Variants in STAG1 observed in about 807,000 individuals in gnomAD.
STAG1 encodes STAG1 cohesin complex component, also known as cohesin subunit SA-1.
In STAG1, 26 loss-of-function variants were observed where a neutral mutation model predicts 170.9. That is an observed-to-expected ratio of 0.15 (90% CI 0.11 to 0.21). STAG1 has a LOEUF of 0.21. STAG1 is among the 10% of genes least tolerant of loss of function. The probability of loss-of-function intolerance (pLI) is 1.00; values close to 1 mark genes in which losing one functional copy is unlikely to be tolerated. For missense variants in STAG1, 964 were observed against 1,509.5 expected (o/e 0.64, Z 5.99); for synonymous variants, 514 against 497.7 (o/e 1.03, Z -0.44).
chr3:136,393,502 G>A (rs1431419950), intron 22 of STAG1, among the ~76,000 whole-genome samples: 1 of 151,704 alleles, frequency 6.6e-6, no homozygotes, highest in Non-Finnish European at 1.5e-5. Context: ...GCAAGATTCT[G>A]TCTCAAAACA....
chr3:136,597,592 G>A (rs992542641), intron 4 of STAG1, among the ~76,000 whole-genome samples: 10 of 151,996 alleles, frequency 6.6e-5, no homozygotes, highest in Non-Finnish European at 1.0e-4. Context: ...GAATATGCTC[G>A]TTTCTGATTA....
chr3:136,637,679 C>A (rs1322058878), intron 1 of STAG1, among the ~76,000 whole-genome samples: 1 of 151,994 alleles, frequency 6.6e-6, no homozygotes, highest in Non-Finnish European at 1.5e-5. Context: ...TATTCTCATA[C>A]ATCAAACTGG....
At chr3:136,527,472 G>A (rs1232389297) in intron 6 of STAG1, among the ~76,000 whole-genome samples, 1 of 152,112 alleles carries the variant, frequency 6.6e-6, no homozygotes, top group East Asian at 1.9e-4. Flanking sequence ...CTCTACACTG[G>A]TTATTCTAGT....
intron 3 of STAG1, among the ~76,000 whole-genome samples, chr3:136,618,782 ATAT>A (rs35136650): frequency 0.34 from 52,180 of 151,792 alleles, 11,213 homozygotes; most frequent in East Asian, 0.81. Flanking sequence ...TCTTATATCA[ATAT>A]TATTTTCATA....
intron 29 of STAG1, among the ~76,000 whole-genome samples, chr3:136,344,585 C>G (rs933057270): frequency 1.3e-5 from 2 of 151,932 alleles, no homozygotes; most frequent in Admixed American, 6.6e-5. Flanking sequence ...CCCTGATTAC[C>G]CCTACCCAAC....
At chr3:136,700,741 A>G (rs1421165694) in intron 1 of STAG1, among the ~76,000 whole-genome samples, 1 of 151,934 alleles carries the variant, frequency 6.6e-6, no homozygotes, top group Non-Finnish European at 1.5e-5. Flanking sequence ...AATTATTTCA[A>G]AAGTCCCTTC....
chr3:136,530,968 G>A (rs1485496135), intron 6 of STAG1, among the ~76,000 whole-genome samples: 1 of 152,080 alleles, frequency 6.6e-6, no homozygotes, highest in Non-Finnish European at 1.5e-5. Context: ...AGCTGGGTGT[G>A]GTCATGGGCG....
chr3:136,390,033 A>G (rs978377545), intron 22 of STAG1, among the ~76,000 whole-genome samples: 2 of 151,946 alleles, frequency 1.3e-5, no homozygotes, highest in African/African-American at 2.4e-5. Context: ...GGGTTTCACC[A>G]TATGGGCCAG....
chr3:136,637,587 G>C (rs1009286966), intron 1 of STAG1, among the ~76,000 whole-genome samples: 9 of 152,158 alleles, frequency 5.9e-5, no homozygotes, highest in Non-Finnish European at 1.3e-4. Flanking sequence ...AGTAATTTAA[G>C]AGTTTCGGTT....
At chr3:136,491,698 A>T (rs908690164) in intron 9 of STAG1, among the ~76,000 whole-genome samples, 2 of 152,170 alleles carry the variant, frequency 1.3e-5, no homozygotes, top group Non-Finnish European at 2.9e-5. Flanking sequence ...TACAGATTAA[A>T]ATCCAATTTG....
chr3:136,581,162 T>C (rs1016648814), intron 4 of STAG1, among the ~76,000 whole-genome samples: 4 of 152,186 alleles, frequency 2.6e-5, no homozygotes, highest in African/African-American at 9.7e-5. Context: ...AGAACATAAT[T>C]TTTAACTTAG....
At chr3:136,508,760 G>T (rs560426553) in intron 7 of STAG1, among the ~76,000 whole-genome samples, 5 of 152,194 alleles carry the variant, frequency 3.3e-5, no homozygotes, top group Non-Finnish European at 7.3e-5. Context: ...AAGACTGCAC[G>T]ACTCCTGTCT....
intron 28 of STAG1, among the ~76,000 whole-genome samples, chr3:136,357,139 G>A (rs1054560567): frequency 1.1e-4 from 17 of 151,894 alleles, no homozygotes; most frequent in East Asian, 9.7e-4. Context: ...TAGTAGAGAC[G>A]GGGTTTCACC....
At chr3:136,603,811 C>T (rs1324649794) in intron 4 of STAG1, among the ~76,000 whole-genome samples, 7 of 151,944 alleles carry the variant, frequency 4.6e-5, no homozygotes, top group South Asian at 2.1e-4. Context: ...GGCGTGAACC[C>T]GGGAGGCAGA....
At chr3:136,432,802 T>TTC (rs1310032430) in intron 16 of STAG1, among the ~76,000 whole-genome samples, 1 of 152,160 alleles carries the variant, frequency 6.6e-6, no homozygotes, top group East Asian at 1.9e-4. Context: ...ACTTAATCCA[T>TTC]TCTCTCTGAC....
chr3:136,342,780 A>G (rs904704637), intron 30 of STAG1, among the ~76,000 whole-genome samples: 1 of 152,234 alleles, frequency 6.6e-6, no homozygotes, highest in Non-Finnish European at 1.5e-5. Flanking sequence ...CAGGGAAAAG[A>G]AGGCAGACCA....
chr3:136,672,721 G>A (rs545004397), intron 1 of STAG1, among the ~76,000 whole-genome samples: 9 of 152,040 alleles, frequency 5.9e-5, no homozygotes, highest in Admixed American at 3.9e-4. Context: ...ACACAGAGAG[G>A]GGGGAGATCC....
chr3:136,341,866 A>G (rs1473276886), intron 30 of STAG1, among the ~76,000 whole-genome samples: 1 of 152,238 alleles, frequency 6.6e-6, no homozygotes, highest in East Asian at 1.9e-4. Context: ...CAGATCCCCA[A>G]CTAACAGAAA....
intron 3 of STAG1, among the ~76,000 whole-genome samples, chr3:136,612,591 G>C (rs541955140): frequency 6.6e-6 from 1 of 152,324 alleles, no homozygotes; most frequent in East Asian, 1.9e-4. Context: ...TATGCAGAAG[G>C]ATGGCTTGAG....
Sources: allele counts gnomAD v4.1 joint callset (sites outside exome capture counted in the v4.1 genomes callset), GRCh38; gene constraint gnomAD v4.1.1; transcripts MANE v1.5; gene names NCBI Gene and HGNC (gene_info 2026-07-23, HGNC 2026-07-21).